The following PKDREJ variants were observed in gnomAD, a reference collection of about 807,000 sequenced individuals.
PKDREJ encodes the protein polycystin family receptor for egg jelly, also known as PKD and REJ homolog.
For synonymous variants in PKDREJ, 1,031 were observed against 1,095.5 expected (o/e 0.94, Z 1.16); for missense variants, 2,507 against 2,807.2 (o/e 0.89, Z 2.42).
rs1425571122 is a variant in PKDREJ, at chr22:46,263,260, G to A, written c.63C>T (p.Leu21=). The A allele has an allele frequency of 1.2e-5, 17 of 1,469,324 alleles. No individual in the cohort carries two copies. The highest frequency in any genetic ancestry group is 5.9e-5 in the African/African-American group (4 of 67,676). 91.0% of individuals were successfully genotyped at this position (1,469,324 alleles called of 1,614,324 possible). Residue 21 remains leucine (L), a synonymous_variant, in exon 1 of 1, where the codon CTC becomes CTT. Coordinates refer to ENST00000253255, the MANE Select transcript of PKDREJ (RefSeq NM_006071.2). The surrounding 1 kb of genome is among the most constrained non-coding windows in gnomAD (Gnocchi z 9.4). ...GVGLSLSVGR[L]PLPPVPRGAQ... is the part of the protein sequence containing the mutation. Reference sequence around the variant, plus strand: ...CCCCGCGAGGAACCGGCGGCAGCGGGAGGCGGCCGACGCTCAGGCTCAGGC... The same window carrying A: ...CCCCGCGAGGAACCGGCGGCAGCGGAAGGCGGCCGACGCTCAGGCTCAGGC...
At position 46,260,077 on chromosome 22, in the gene PKDREJ, C is replaced by G; in HGVS notation, c.3246G>C (p.Gln1082His). The G allele has an allele frequency of 1.2e-6, 2 of 1,614,074 alleles. No individual in the cohort carries two copies. The highest frequency in any genetic ancestry group is 1.7e-6 in the Non-Finnish European group (2 of 1,179,990). The stretch of plus-strand genomic sequence containing the variant: ...TGAGCTTCATGACAAAACGAGGTGC[C>G]TGCAGAACTATGGATACAGTACAGT... ...SPHCTVSIVLQAPRFVMKLND... is the reference protein window; with the variant it reads ...SPHCTVSIVLHAPRFVMKLND... The change falls in exon 1 of 1, where the codon CAG (glutamine) becomes CAC (histidine). Residue 1082 changes from glutamine to histidine, a missense_variant. Physicochemically the swap from Gln to His is conservative, Grantham distance 24. Transcript: ENST00000253255. This position sits in a 1 kb window ranked among gnomAD's most constrained non-coding sequence, Gnocchi z 4.5.
Position 46,260,934 on chromosome 22 carries a change from G to C in PKDREJ, c.2389C>G (p.Arg797Gly), listed in dbSNP as rs140368137. 1 of 1,614,102 alleles carries C rather than the reference G, an allele frequency of 6.2e-7. No individual in the cohort carries two copies. The highest frequency in any genetic ancestry group is 1.7e-5 in the Admixed American group (1 of 60,016). ...ATTTCTATTTGTTCAGATCGAAAGC[G>C]TTTATCTTTTTGCTGATACTCTTGT... ...ALQEYQQKDK[R>G]FRSEQIEIVS... Residue 797 changes from arginine to glycine, a missense_variant, in exon 1 of 1, where the codon CGC becomes GGC. Coordinates refer to ENST00000253255, the MANE Select transcript of PKDREJ (RefSeq NM_006071.2). This position sits in a 1 kb window ranked among gnomAD's most constrained non-coding sequence, Gnocchi z 4.5.
Position 46,259,452 on chromosome 22 carries a change from C to G in PKDREJ, c.3871G>C (p.Gly1291Arg). The G allele has an allele frequency of 6.2e-7, 1 of 1,614,162 alleles. No homozygotes were observed. Among genetic ancestry groups the G allele is most frequent in the Non-Finnish European group, 8.5e-7 (1 of 1,180,036 alleles). ...TFLLTTKSDL[G>R]DIHSIRVWHN... is the part of the protein sequence containing the mutation. The stretch of plus-strand genomic sequence containing the variant: ...CACACACGGATGGAATGGATGTCCC[C>G]CAAGTCACTTTTTGTCGTTAGGAGG... Residue 1291 changes from glycine to arginine, a missense_variant, in exon 1 of 1, where the codon GGG becomes CGG. Physicochemically the swap from Gly to Arg is moderately radical, Grantham distance 125. Transcript: ENST00000253255. This position sits in a 1 kb window ranked among gnomAD's most constrained non-coding sequence, Gnocchi z 6.8.
Position 46,255,690 on chromosome 22 carries a change from T to C in PKDREJ, c.*871A>G, listed in dbSNP as rs1414127799. 1.3e-5 allele frequency: 2 copies of C among 152,218 alleles called. No individual in the cohort carries two copies. The highest frequency in any genetic ancestry group is 2.9e-5 in the Non-Finnish European group (2 of 68,032). The allele number at this position is 152,218 out of a possible 1,614,324, so 9.4% of individuals were successfully genotyped here. ...AAAGAAGAAATCTCACATTTAATTC[T>C]GATAAAGCTTAAAGTGGCATCTACA... On this transcript the variant is annotated 3_prime_UTR_variant, in exon 1 of 1. Coordinates refer to ENST00000253255, the MANE Select transcript of PKDREJ (RefSeq NM_006071.2).
rs1936666197 is a variant in PKDREJ, at chr22:46,259,096, A to G, written c.4227T>C (p.Asn1409=). 2 of 1,613,614 alleles carry G rather than the reference A, an allele frequency of 1.2e-6. No individual in the cohort carries two copies. Among genetic ancestry groups the G allele is most frequent in the African/African-American group, 1.3e-5 (1 of 74,922 alleles). Residue 1409 remains asparagine (N), a synonymous_variant, in exon 1 of 1, where the codon AAT becomes AAC. Transcript: ENST00000253255. The surrounding 1 kb of genome is among the most constrained non-coding windows in gnomAD (Gnocchi z 6.8). ...SSLLCNIMFF[N]LNRQEQTESR... ...ACTCAGTTTGTTCTTGTCTATTTAG[A>G]TTAAAGAACATAATGTTACAAAGAA...
chr22:46,257,637 G>A lies in PKDREJ; in HGVS notation c.5686C>T (p.Leu1896=). Reference sequence around the variant, plus strand: ...CTTTCTTGAAGTTCTTTGAGCCTCAGTGTGGAATTAAACCGCTGCTGTTCT... The same window carrying A: ...CTTTCTTGAAGTTCTTTGAGCCTCAATGTGGAATTAAACCGCTGCTGTTCT... ...FPEQQRFNST[L]RLKELQESNW... The change falls in exon 1 of 1, where the codon CTG becomes TTG. Residue 1896 remains leucine (L), a synonymous_variant. Coordinates refer to ENST00000253255, the MANE Select transcript of PKDREJ (RefSeq NM_006071.2). This position sits in a 1 kb window ranked among gnomAD's most constrained non-coding sequence, Gnocchi z 4.7. The A allele has an allele frequency of 8.7e-6, 14 of 1,614,112 alleles. No homozygotes were observed. The highest frequency in any genetic ancestry group is 1.2e-5 in the Non-Finnish European group (14 of 1,180,008).
rs1375979280 is a variant in PKDREJ at position 46,256,039 on chromosome 22, C to A, written c.*522G>T. Reference sequence around the variant, plus strand: ...ATGAAGCAAGTCCTGGAACTCCCCACGAGGCCCTAAGCCCAGGGGGAACAA... The same window carrying A: ...ATGAAGCAAGTCCTGGAACTCCCCAAGAGGCCCTAAGCCCAGGGGGAACAA... On this transcript the variant is annotated 3_prime_UTR_variant, in exon 1 of 1. Transcript: ENST00000253255. This position sits in a 1 kb window ranked among gnomAD's most constrained non-coding sequence, Gnocchi z 5.3. The A allele has an allele frequency of 6.5e-6, 1 of 152,886 alleles. No homozygotes were observed. The highest frequency in any genetic ancestry group is 1.5e-5 in the Non-Finnish European group (1 of 68,596). 9.5% of individuals were successfully genotyped at this position (152,886 alleles called of 1,614,324 possible).
rs1268790316 is a variant in PKDREJ at position 46,259,005 on chromosome 22, C to T, written c.4318G>A (p.Val1440Met). ...AACAAAAAAGTTATTAATAATTGCACAGGGATTGTAATTAAGACACTTTCA... is the reference window on the plus strand; with the variant it reads ...AACAAAAAAGTTATTAATAATTGCATAGGGATTGTAATTAAGACACTTTCA... ...GIESVLITIPVQLLITFLFTC... is the reference protein window; with the variant it reads ...GIESVLITIPMQLLITFLFTC... The change falls in exon 1 of 1, where the codon GTG becomes ATG. Residue 1440 changes from valine (V) to methionine (M), a missense_variant. Coordinates refer to ENST00000253255, the MANE Select transcript of PKDREJ (RefSeq NM_006071.2). The surrounding 1 kb of genome is among the most constrained non-coding windows in gnomAD (Gnocchi z 6.8). The T allele has an allele frequency of 1.2e-6, 2 of 1,613,978 alleles. No individual in the cohort carries two copies. Among genetic ancestry groups the T allele is most frequent in the East Asian group, 2.2e-5 (1 of 44,888 alleles).
rs765171239 is a variant in PKDREJ at position 46,257,775 on chromosome 22, C to T, written c.5548G>A (p.Asp1850Asn). ...TAAGTAAATCCATTGGTACTCTCAT[C>T]TATAGCCTGCTTATCAACTTCATTC... ...FWNEVDKQAIDESTNGFTYKP... is the reference protein window; with the variant it reads ...FWNEVDKQAINESTNGFTYKP... The change falls in exon 1 of 1, where the codon GAT becomes AAT. Residue 1850 changes from aspartate (D) to asparagine (N), a missense_variant. Asp to Asn is a conservative substitution (Grantham distance 23, BLOSUM62 1). Coordinates refer to ENST00000253255, the MANE Select transcript of PKDREJ (RefSeq NM_006071.2). The surrounding 1 kb of genome is among the most constrained non-coding windows in gnomAD (Gnocchi z 4.7). 1.2e-6 allele frequency: 2 copies of T among 1,614,174 alleles called. No individual in the cohort carries two copies. Among genetic ancestry groups the T allele is most frequent in the Admixed American group, 3.3e-5 (2 of 60,034 alleles).
In PKDREJ at chr22:46,262,754, C is replaced by A. The variant is rs534595985; in HGVS notation, c.569G>T (p.Arg190Leu). The A allele has an allele frequency of 1.3e-6, 2 of 1,590,554 alleles. No individual in the cohort carries two copies. The highest frequency in any genetic ancestry group is 8.6e-7 in the Non-Finnish European group (1 of 1,168,894). ...RTECPTDGPA[R>L]VMLQAVNSSS... ...CGAGTTGACGGCCTGCAACATCACG[C>A]GCGCGGGGCCGTCTGTGGGGCACTC... The change falls in exon 1 of 1, where the codon CGC becomes CTC. Residue 190 changes from arginine (R) to leucine (L), a missense_variant. Transcript: ENST00000253255. This position sits in a 1 kb window ranked among gnomAD's most constrained non-coding sequence, Gnocchi z 8.1.
At position 46,256,933 on chromosome 22, in the gene PKDREJ, G is replaced by C. The variant is rs766323806; in HGVS notation, c.6390C>G (p.Ser2130=). The C allele has an allele frequency of 1.4e-5, 23 of 1,613,784 alleles. No individual in the cohort carries two copies. Among genetic ancestry groups the C allele is most frequent in the Non-Finnish European group, 1.7e-6 (2 of 1,179,910 alleles). The part of the protein sequence containing the change: ...NLIHSTQTVF[S]YCVSAFQNTE... ...TGTTCTGGAAAGCTGAGACACAATA[G>C]GAAAATACTGTCTGAGTGGAATGAA... Residue 2130 remains serine, a synonymous_variant, in exon 1 of 1, where the codon TCC becomes TCG. Coordinates refer to ENST00000253255, the MANE Select transcript of PKDREJ (RefSeq NM_006071.2). This position sits in a 1 kb window ranked among gnomAD's most constrained non-coding sequence, Gnocchi z 5.3.
rs1305519820 is a variant in PKDREJ at position 46,258,514 on chromosome 22, G to A, written c.4809C>T (p.Gly1603=). The A allele has an allele frequency of 6.2e-7, 1 of 1,614,006 alleles. No homozygotes were observed. Among genetic ancestry groups the A allele is most frequent in the Non-Finnish European group, 8.5e-7 (1 of 1,179,850 alleles). Residue 1603 remains glycine (G), a synonymous_variant, in exon 1 of 1, where the codon GGC becomes GGT. Coordinates refer to ENST00000253255, the MANE Select transcript of PKDREJ (RefSeq NM_006071.2). The surrounding 1 kb of genome is among the most constrained non-coding windows in gnomAD (Gnocchi z 6.1). The stretch of plus-strand genomic sequence containing the variant: ...AGAGCCATTCTATTGACTTGTCATA[G>A]CCGTAAGTCAGTCCATAAAATACAA... ...FFIVFYGLTY[G]YDKSIEWLFA...
rs1936653345 is a variant in PKDREJ at position 46,258,125 on chromosome 22, T to C, written c.5198A>G (p.His1733Arg). Residue 1733 changes from histidine to arginine, a missense_variant, in exon 1 of 1, where the codon CAC (histidine) becomes CGC (arginine). Transcript: ENST00000253255. The surrounding 1 kb of genome is among the most constrained non-coding windows in gnomAD (Gnocchi z 6.1). ...CTGGTTATAGTAAAAGCAGTCAGTGTGACGTAGTAAGACGATAAGGATCAA... is the reference window on the plus strand; with the variant it reads ...CTGGTTATAGTAAAAGCAGTCAGTGCGACGTAGTAAGACGATAAGGATCAA... ...LLLILIVLLR[H>R]TDCFYYNQFI... The C allele has an allele frequency of 3.1e-6, 5 of 1,614,076 alleles. No homozygotes were observed. The highest frequency in any genetic ancestry group is 4.2e-6 in the Non-Finnish European group (5 of 1,179,934).
rs1184248976 is a variant in PKDREJ at position 46,260,344 on chromosome 22, C to T, written c.2979G>A (p.Val993=). 7 of 1,614,120 alleles carry T rather than the reference C, an allele frequency of 4.3e-6. No homozygotes were observed. In the African/African-American group the frequency reaches 9.3e-5, roughly 22 times the overall value. The change falls in exon 1 of 1, where the codon GTG becomes GTA. Residue 993 remains valine (V), a synonymous_variant. Coordinates refer to ENST00000253255, the MANE Select transcript of PKDREJ (RefSeq NM_006071.2). The surrounding 1 kb of genome is among the most constrained non-coding windows in gnomAD (Gnocchi z 4.5). The part of the protein sequence containing the change: ...GGFSFQVDST[V]LREVLVHIVT... ...CTATGTGGACCAGAACCTCCCTAAGCACTGTGCTGTCCACTTGAAAGCTAA... is the reference window on the plus strand; with the variant it reads ...CTATGTGGACCAGAACCTCCCTAAGTACTGTGCTGTCCACTTGAAAGCTAA...
chr22:46,262,258 A>C lies in PKDREJ; in HGVS notation c.1065T>G (p.Ile355Met). Residue 355 changes from isoleucine (I) to methionine (M), a missense_variant, in exon 1 of 1, where the codon ATT becomes ATG. By Grantham distance (10) the Ile-to-Met change is conservative. Coordinates refer to ENST00000253255, the MANE Select transcript of PKDREJ (RefSeq NM_006071.2). The surrounding 1 kb of genome is among the most constrained non-coding windows in gnomAD (Gnocchi z 8.1). ...NITANFTEQL[I>M]LDGSTSSDPD... ...GGTCCGAGGACGTGGACCCGTCCAG[A>C]ATCAGCTGCTCTGTGAAATTAGCTG... 6.2e-7 allele frequency: 1 copy of C among 1,614,210 alleles called. No individual in the cohort carries two copies.
Position 46,263,129 on chromosome 22 carries a change from C to T in PKDREJ, c.194G>A (p.Arg65Gln). Reference protein sequence around the residue: ...ALLSLRPSAVRAGGAVLSGRG... With the variant: ...ALLSLRPSAVQAGGAVLSGRG... ...GCCGCTCAGGACAGCGCCGCCCGCCCGCACCGCGCTGGGCCGCAGACTGAG... is the reference window on the plus strand; with the variant it reads ...GCCGCTCAGGACAGCGCCGCCCGCCTGCACCGCGCTGGGCCGCAGACTGAG... The change falls in exon 1 of 1, where the codon CGG (arginine) becomes CAG (glutamine). Residue 65 changes from arginine to glutamine, a missense_variant. Physicochemically the swap from Arg to Gln is conservative, Grantham distance 43. Coordinates refer to ENST00000253255, the MANE Select transcript of PKDREJ (RefSeq NM_006071.2). This position sits in a 1 kb window ranked among gnomAD's most constrained non-coding sequence, Gnocchi z 9.4. 4 of 1,234,320 alleles carry T rather than the reference C, an allele frequency of 3.2e-6. No individual in the cohort carries two copies. Among genetic ancestry groups the T allele is most frequent in the Non-Finnish European group, 4.0e-6 (4 of 989,548 alleles). The allele number at this position is 1,234,320 out of a possible 1,614,324, so 76.5% of individuals were successfully genotyped here.
At position 46,262,366 on chromosome 22, in the gene PKDREJ, G is replaced by T. The variant is rs373813273; in HGVS notation, c.957C>A (p.Pro319=). 6.2e-6 allele frequency: 10 copies of T among 1,614,058 alleles called. No homozygotes were observed. Among genetic ancestry groups the T allele is most frequent in the Non-Finnish European group, 8.5e-6 (10 of 1,180,032 alleles). Residue 319 remains proline, a synonymous_variant, in exon 1 of 1, where the codon CCC becomes CCA. Transcript: ENST00000253255. This position sits in a 1 kb window ranked among gnomAD's most constrained non-coding sequence, Gnocchi z 8.1. The part of the protein sequence containing the change: ...VSITTGNPKM[P]EVKDSDAVYV... ...AGACGGCGTCCGAGTCTTTCACCTC[G>T]GGCATCTTGGGGTTCCCTGTGGTGA...
Position 46,262,715 on chromosome 22 carries a change from G to T in PKDREJ, c.608C>A (p.Ala203Asp). Reference protein sequence around the residue: ...LQAVNSSSHRAVESSVSCQIN... With the variant: ...LQAVNSSSHRDVESSVSCQIN... ...CTGACAGGACACGGACGACTCGACG[G>T]CTCTGTGGCTGGACGAGTTGACGGC... Residue 203 changes from alanine to aspartate, a missense_variant, in exon 1 of 1, where the codon GCC becomes GAC. Ala to Asp is a moderately radical substitution (Grantham distance 126). Transcript: ENST00000253255. This position sits in a 1 kb window ranked among gnomAD's most constrained non-coding sequence, Gnocchi z 8.1. 1 of 1,611,692 alleles carries T rather than the reference G, an allele frequency of 6.2e-7. No individual in the cohort carries two copies. The highest frequency in any genetic ancestry group is 8.5e-7 in the Non-Finnish European group (1 of 1,179,298).
In PKDREJ at chr22:46,260,217, G is replaced by A. The variant is rs1311136582; in HGVS notation, c.3106C>T (p.Pro1036Ser). The A allele has an allele frequency of 6.2e-7, 1 of 1,614,170 alleles. No homozygotes were observed. Among genetic ancestry groups the A allele is most frequent in the Non-Finnish European group, 8.5e-7 (1 of 1,180,028 alleles). The change falls in exon 1 of 1, where the codon CCA (proline) becomes TCA (serine). Residue 1036 changes from proline to serine, a missense_variant. Coordinates refer to ENST00000253255, the MANE Select transcript of PKDREJ (RefSeq NM_006071.2). The surrounding 1 kb of genome is among the most constrained non-coding windows in gnomAD (Gnocchi z 4.5). The part of the protein sequence containing the change: ...ATFLVPHDIP[P>S]FASQSALFDP... ...AACAGGGCACTCTGGCTGGCAAATG[G>A]AGGGATGTCATGAGGCACCAGGAAG... is the stretch of plus-strand genomic sequence containing the variant.
Sources: gnomAD v4.1 joint callset for allele counts on GRCh38, gnomAD v4.1.1 for gene constraint, Gnocchi (gnomAD v3.1) non-coding constraint, MANE v1.5 for transcripts, NCBI Gene and HGNC (gene_info 2026-07-23, HGNC 2026-07-21) for gene names.